Variants in TAF4 observed in about 807,000 individuals in gnomAD.
TAF4 encodes the protein TATA-box binding protein associated factor 4, also known as transcription initiation factor TFIID subunit 4.
In TAF4, 9 loss-of-function variants were observed where a neutral mutation model predicts 90.3. That is an observed-to-expected ratio of 0.10 (90% CI 0.06 to 0.17). The LOEUF (loss-of-function observed/expected upper bound fraction) is 0.17, where lower values mean the gene tolerates loss of function less well. TAF4 is among the 10% of genes least tolerant of loss of function. TAF4 has a pLI of 1.00. For synonymous variants in TAF4, 818 were observed against 638.9 expected, an observed-to-expected ratio of 1.28 and a Z score of -4.23; for missense variants, 1,351 against 1,370.7, an observed-to-expected ratio of 0.99 and a Z score of 0.23.
At chr20:62,039,229 T>C (rs2055950525) in intron 1 of TAF4, among the ~76,000 whole-genome samples, 1 of 152,148 alleles carries the variant, frequency 6.6e-6, no homozygotes, top group African/African-American at 2.4e-5. Flanking sequence ...GGCTGGAAAG[T>C]GCTGAGCTGC....
At chr20:61,998,084 G>A (rs957712703) in intron 13 of TAF4, 52 bp downstream of exon 13, 39 of 1,570,304 alleles carry the variant, frequency 2.5e-5, no homozygotes, top group African/African-American at 4.1e-5. Context: ...CCCGTGGGGC[G>A]CTACAGTGCA....
At chr20:62,063,036 A>C (rs1014975070) in intron 1 of TAF4, among the ~76,000 whole-genome samples, 3 of 152,228 alleles carry the variant, frequency 2.0e-5, no homozygotes, top group Admixed American at 2.0e-4. Context: ...CAACATACAC[A>C]TAACAGCAAA....
chr20:62,017,455 G>A (rs936783375), intron 1 of TAF4, among the ~76,000 whole-genome samples: 14 of 151,358 alleles, frequency 9.2e-5, no homozygotes, highest in East Asian at 1.9e-4. Flanking sequence ...TGGCTAACAC[G>A]GTGAAACCCC....
chr20:61,988,717 C>T (rs760181892), intron 14 of TAF4, among the ~76,000 whole-genome samples: 4 of 152,254 alleles, frequency 2.6e-5, no homozygotes, highest in African/African-American at 7.2e-5. Context: ...GAAACAACTG[C>T]GAAACAACTG....
In TAF4 at chr20:62,033,030, G is replaced by T. The variant is rs1292057238; in HGVS notation, c.1361-18323C>A. Among the ~76,000 whole-genome samples, 5 of 152,268 alleles carry T rather than the reference G, an allele frequency of 3.3e-5. No homozygotes were observed. In the East Asian group the frequency reaches 5.8e-4, roughly 18 times the overall value. On this transcript the variant is annotated intron_variant, in intron 1 of 14. Coordinates refer to ENST00000252996, the MANE Select transcript of TAF4 (RefSeq NM_003185.4). ...TGGATGCGGGGGGAAAAAAAGAGGG[G>T]AGGCAGCTGTCTGGACGTGGTGAGA...
At chr20:62,035,879 C>T (rs536921440) in intron 1 of TAF4, among the ~76,000 whole-genome samples, 4 of 151,668 alleles carry the variant, frequency 2.6e-5, no homozygotes, top group South Asian at 2.1e-4. Context: ...TTAAAGAAAA[C>T]GGGGCAAAAA....
At chr20:61,977,895 T>C (rs546305243) in intron 14 of TAF4, among the ~76,000 whole-genome samples, 2 of 152,238 alleles carry the variant, frequency 1.3e-5, no homozygotes. Context: ...TGTTTGATGT[T>C]TCTATCTTCA....
At chr20:61,985,986 G>C (rs887971125) in intron 14 of TAF4, among the ~76,000 whole-genome samples, 1 of 146,174 alleles carries the variant, frequency 6.8e-6, no homozygotes, top group Non-Finnish European at 1.5e-5. Flanking sequence ...CCCAATCAAA[G>C]GAAATACCAT....
At chr20:62,015,587 C>T (rs2055807901) in intron 1 of TAF4, among the ~76,000 whole-genome samples, 1 of 152,148 alleles carries the variant, frequency 6.6e-6, no homozygotes. Context: ...TGCAATGAGG[C>T]ACCGCCACCG....
At chr20:62,050,661 G>C (rs993596716) in intron 1 of TAF4, among the ~76,000 whole-genome samples, 4 of 152,190 alleles carry the variant, frequency 2.6e-5, no homozygotes, top group African/African-American at 7.2e-5. Flanking sequence ...CAGGGCTCCG[G>C]AACAGCAGAG....
At chr20:62,048,049 G>C (rs777853152) in intron 1 of TAF4, among the ~76,000 whole-genome samples, 5 of 152,136 alleles carry the variant, frequency 3.3e-5, no homozygotes, top group African/African-American at 1.2e-4. Context: ...CCCCCACCCA[G>C]AGTCACAATA....
chr20:62,014,776 C>T, intron 1 of TAF4, 69 bp from the exon 2 acceptor site: 1 of 1,559,764 alleles, frequency 6.4e-7, no homozygotes, highest in Non-Finnish European at 8.6e-7. Flanking sequence ...CCTGGCCTGA[C>T]CCAGGGGAAG....
chr20:62,064,983 C>A lies in TAF4; in HGVS notation c.828G>T (p.Ala276=), dbSNP rs1245611962. ...CGGGCGGCCGGGCCAGAGTGGCGGG[C>A]GCGGGGGGTGGCGGGGGCGGGGCGG... ...PAAAPPPPPP[A]PATLARPPGH... is the part of the protein sequence containing the mutation. Residue 276 remains alanine (A), a synonymous_variant, in exon 1 of 15, where the codon GCG becomes GCT. Coordinates refer to ENST00000252996, the MANE Select transcript of TAF4 (RefSeq NM_003185.4). The A allele has an allele frequency of 2.2e-5, 5 of 226,206 alleles. No homozygotes were observed. The African/African-American group carries it at 2.3e-4, about 10-fold the overall frequency. 14.0% of individuals were successfully genotyped at this position (226,206 alleles called of 1,614,324 possible). A position where few individuals can be genotyped will look rare whatever the true frequency, so the allele number is the denominator to read the frequency against.
intron 14 of TAF4, among the ~76,000 whole-genome samples, chr20:61,977,511 C>G (rs1224315958): frequency 6.6e-6 from 1 of 152,230 alleles, no homozygotes; most frequent in Non-Finnish European, 1.5e-5. Context: ...GTCCTTCCTC[C>G]CCCCTTCCCC....
At chr20:62,009,003 T>C in intron 5 of TAF4, 49 bp downstream of exon 5, 1 of 1,594,602 alleles carries the variant, frequency 6.3e-7, no homozygotes, top group Non-Finnish European at 8.5e-7. Context: ...GTGTCTGTCC[T>C]ATGCAACAGG....
intron 1 of TAF4, chr20:62,037,532 G>A (rs1232285516): frequency 1.3e-5 from 2 of 152,398 alleles, no homozygotes; most frequent in Non-Finnish European, 2.9e-5. Context: ...TTACCGTGAG[G>A]ATCGTCTCAA....
Position 62,001,310 on chromosome 20 carries a change from T to C in TAF4, c.2487-589A>G, listed in dbSNP as rs528907967. On this transcript the variant is annotated intron_variant, in intron 9 of 14. Transcript: ENST00000252996. ...CAGCGCCTCTCCCTGCAGGACAGTCTGCATCCCAATCCCAGCTGCCACGTC... is the reference window on the plus strand; with the variant it reads ...CAGCGCCTCTCCCTGCAGGACAGTCCGCATCCCAATCCCAGCTGCCACGTC... 1.1e-4 allele frequency among the ~76,000 whole-genome samples: 16 copies of C among 152,282 alleles called. 1 individual carries two copies. Among genetic ancestry groups the C allele is most frequent in the African/African-American group, 3.9e-4 (16 of 41,554 alleles).
At chr20:62,007,657 T>G in intron 5 of TAF4, 21 bp from the exon 6 acceptor site, 3 of 1,589,698 alleles carry the variant, frequency 1.9e-6, no homozygotes, top group Non-Finnish European at 2.6e-6. Context: ...AAATCCATGT[T>G]GAAATTCTGG....
rs761585290 is a variant in TAF4 at position 62,064,534 on chromosome 20, G to A, written c.1277C>T (p.Thr426Ile). The A allele has an allele frequency of 5.2e-6, 8 of 1,529,820 alleles. No homozygotes were observed. The highest frequency in any genetic ancestry group is 6.1e-6 in the Non-Finnish European group (7 of 1,142,758). The allele number at this position is 1,529,820 out of a possible 1,614,324, so 94.8% of individuals were successfully genotyped here. ...PTATTSGIRA[T>I]LTPTVLAPRL... The stretch of plus-strand genomic sequence containing the variant: ...GGGGGCCAGCACGGTGGGCGTCAGG[G>A]TGGCCCGAATCCCGCTGGTGGTGGC... The change falls in exon 1 of 15, where the codon ACC becomes ATC. Residue 426 changes from threonine to isoleucine, a missense_variant. Around this residue, in one of 9 missense-constraint regions of TAF4, gnomAD observed 782 missense variants for 536.6 expected, o/e 1.46. Coordinates refer to ENST00000252996, the MANE Select transcript of TAF4 (RefSeq NM_003185.4).
Sources: gnomAD v4.1 joint callset for allele counts (sites outside exome capture counted in the v4.1 genomes callset) on GRCh38, gnomAD v4.1.1 for gene constraint, gnomAD v4.1.1 regional missense constraint, MANE v1.5 for transcripts, NCBI Gene and HGNC (gene_info 2026-07-23, HGNC 2026-07-21) for gene names.